ABI2: variants seen among roughly 807,000 people sequenced by gnomAD.
ABI2 encodes the protein abl interactor 2.
ABI2 carries 25 observed loss-of-function variants against 59.2 expected under a neutral mutation model. The observed-to-expected ratio is 0.42, with a 90% CI of 0.31 to 0.59. The LOEUF is 0.59. Ranked by LOEUF, ABI2 falls within the 20% of genes least tolerant of loss-of-function variation. ABI2 has a pLI of 0.14. For missense variants in ABI2, 545 were observed against 681.8 expected, an observed-to-expected ratio of 0.80 and a Z score of 2.23; for synonymous variants, 213 against 235.5, an observed-to-expected ratio of 0.90 and a Z score of 0.87.
At chr2:203,422,158 CATG>C (rs2098245679) in intron 11 of ABI2, among the ~76,000 whole-genome samples, 1 of 151,606 alleles carries the variant, frequency 6.6e-6, no homozygotes, top group African/African-American at 2.4e-5. Context: ...CTTAGCCAGA[CATG>C]GTGGTGCATG....
chr2:203,338,467 T>C (rs951514248), intron 1 of ABI2, among the ~76,000 whole-genome samples: 1 of 152,020 alleles, frequency 6.6e-6, no homozygotes, highest in Admixed American at 6.6e-5. Flanking sequence ...TCTTGCTTGG[T>C]TCACGTGAGA....
intron 1 of ABI2, among the ~76,000 whole-genome samples, chr2:203,356,054 TTCTC>T (rs948528596): frequency 2.0e-5 from 3 of 152,106 alleles, no homozygotes; most frequent in African/African-American, 4.8e-5. Flanking sequence ...ATAGTTTTTT[TTCTC>T]TCTCTCTGAA....
chr2:203,392,063 TAGTC>T (rs2096762954), intron 5 of ABI2, among the ~76,000 whole-genome samples: 1 of 152,130 alleles, frequency 6.6e-6, no homozygotes, highest in Non-Finnish European at 1.5e-5. Context: ...AATTCCTACA[TAGTC>T]AGCTGCCAAG....
At chr2:203,406,461 C>T (rs1351536129) in intron 9 of ABI2, among the ~76,000 whole-genome samples, 1 of 152,112 alleles carries the variant, frequency 6.6e-6, no homozygotes, top group Non-Finnish European at 1.5e-5. Context: ...GAGAAAGTGT[C>T]AGGCTTAGTA....
At chr2:203,398,201 A>G (rs573119175) in intron 8 of ABI2, among the ~76,000 whole-genome samples, 2 of 152,334 alleles carry the variant, frequency 1.3e-5, no homozygotes. Flanking sequence ...TTTAAAGAAA[A>G]GCTTTCTGCA....
rs1336845540 is a variant in ABI2, at chr2:203,431,685, CAT to C, written c.*4337_*4338del. On this transcript the variant is annotated 3_prime_UTR_variant, in exon 12 of 12. Coordinates refer to ENST00000261018, the MANE Select transcript of ABI2 (RefSeq NM_001375670.1). Reference sequence around the variant, plus strand: ...ACCTTTGTTCCTGTTTTGAGAATCTCATATAATTATTAAAAAAAAAAAACAAT... The same window carrying C: ...ACCTTTGTTCCTGTTTTGAGAATCTCATAATTATTAAAAAAAAAAAACAAT... 6.7e-6 allele frequency: 1 copy of C among 148,166 alleles called. No individual in the cohort carries two copies. The highest frequency in any genetic ancestry group is 1.5e-5 in the Non-Finnish European group (1 of 67,576). 9.2% of individuals were successfully genotyped at this position (148,166 alleles called of 1,614,324 possible).
At chr2:203,412,807 C>T (rs145923886) in intron 10 of ABI2, among the ~76,000 whole-genome samples, 1 of 152,162 alleles carries the variant, frequency 6.6e-6, no homozygotes, top group Non-Finnish European at 1.5e-5. Context: ...TACAGGGTCA[C>T]TGTTGCCAGG....
chr2:203,345,060 G>GTCCT (rs2082389561), intron 1 of ABI2, among the ~76,000 whole-genome samples: 2 of 152,136 alleles, frequency 1.3e-5, no homozygotes, highest in Non-Finnish European at 2.9e-5. Context: ...ACCCGCCGGG[G>GTCCT]TCCTCTTCCA....
At chr2:203,335,076 T>A (rs1337901160) in intron 1 of ABI2, among the ~76,000 whole-genome samples, 1 of 152,172 alleles carries the variant, frequency 6.6e-6, no homozygotes, top group Non-Finnish European at 1.5e-5. Flanking sequence ...ATTTACTTTG[T>A]GTTTCCTTCC....
chr2:203,385,152 T>TTTTTTTTTTTTTTTAGACA (rs71007511), intron 4 of ABI2, among the ~76,000 whole-genome samples: 1 of 51,840 alleles, frequency 1.9e-5, no homozygotes, highest in Non-Finnish European at 5.6e-5. Flanking sequence ...TTTTTTTTTT[T>TTTTTTTTTTTTTTTAGACA]GAGACAGTCT....
intron 10 of ABI2, among the ~76,000 whole-genome samples, chr2:203,413,667 A>G (rs2097770352): frequency 6.6e-6 from 1 of 152,240 alleles, no homozygotes; most frequent in African/African-American, 2.4e-5. Context: ...AACATTAGTC[A>G]AATAATAAAC....
chr2:203,380,143 AT>A (rs2096018783), intron 2 of ABI2, 64 bp from the exon 3 acceptor site: 2 of 997,272 alleles, frequency 2.0e-6, no homozygotes, highest in Non-Finnish European at 1.4e-6. Context: ...AGGCATATAT[AT>A]TTTGATTTTT....
chr2:203,342,830 T>C (rs189888337), intron 1 of ABI2, among the ~76,000 whole-genome samples: 83 of 151,796 alleles, frequency 5.5e-4, no homozygotes, highest in African/African-American at 1.8e-3. Flanking sequence ...TGGCTTGATA[T>C]AATGTCTATA....
chr2:203,410,211 A>G (rs892354367), intron 9 of ABI2, among the ~76,000 whole-genome samples: 3 of 152,142 alleles, frequency 2.0e-5, no homozygotes, highest in Non-Finnish European at 4.4e-5. Context: ...TGCTACAAAT[A>G]TTGTTGGGTT....
At chr2:203,401,744 GAA>G (rs1426903790) in intron 8 of ABI2, among the ~76,000 whole-genome samples, 1 of 151,958 alleles carries the variant, frequency 6.6e-6, no homozygotes, top group Non-Finnish European at 1.5e-5. Context: ...TTGATTAAAA[GAA>G]AGAAATGTTT....
intron 4 of ABI2, among the ~76,000 whole-genome samples, chr2:203,390,682 A>C (rs953372369): frequency 6.6e-6 from 1 of 152,218 alleles, no homozygotes; most frequent in Admixed American, 6.5e-5. Flanking sequence ...GCTTAAAAGC[A>C]TTATTGTTTT....
intron 11 of ABI2, among the ~76,000 whole-genome samples, chr2:203,417,762 G>GC (rs1409417085): frequency 2.6e-5 from 4 of 152,142 alleles, no homozygotes; most frequent in Admixed American, 2.6e-4. Context: ...CCAAGAGAGA[G>GC]CAACAGTAAT....
intron 4 of ABI2, chr2:203,386,456 T>TTTTTTG (rs2096523634): frequency 7.2e-6 from 1 of 139,356 alleles, no homozygotes. Flanking sequence ...TTTTTTTTTT[T>TTTTTTG]GGAGAGACGT....
At chr2:203,355,584 C>T (rs2152816537) in intron 1 of ABI2, among the ~76,000 whole-genome samples, 1 of 151,738 alleles carries the variant, frequency 6.6e-6, no homozygotes, top group South Asian at 2.1e-4. Flanking sequence ...AATCCCAGCA[C>T]TTTGGGAGGC....
Sources: gnomAD v4.1 joint callset for allele counts (sites outside exome capture counted in the v4.1 genomes callset) on GRCh38, gnomAD v4.1.1 for gene constraint, MANE v1.5 for transcripts, NCBI Gene and HGNC (gene_info 2026-07-23, HGNC 2026-07-21) for gene names.